Variants in WWOX observed in about 807,000 individuals in gnomAD.
The protein encoded by WWOX is WW domain containing oxidoreductase.
In WWOX, 69 loss-of-function variants were observed where a neutral mutation model predicts 46.2. The ratio of observed to expected loss-of-function variants is 1.49; its 90% CI spans 1.23 to 1.82. WWOX has a LOEUF of 1.82. WWOX is among the 40% of genes most tolerant of loss of function. WWOX has a pLI of 0.00. For synonymous variants in WWOX, 359 were observed against 202.6 expected, an observed-to-expected ratio of 1.77 and a Z score of -6.56; for missense variants, 919 against 542.6, an observed-to-expected ratio of 1.69 and a Z score of -6.89.
intron 1 of WWOX, among the ~76,000 whole-genome samples, chr16:78,102,176 A>C (rs1223089296): frequency 1.3e-5 from 2 of 152,096 alleles, no homozygotes; most frequent in African/African-American, 4.8e-5. Flanking sequence ...CTCCCGAAGC[A>C]CTGGAATCAC....
At chr16:79,129,360 C>A (rs142975419) in intron 8 of WWOX, among the ~76,000 whole-genome samples, 1 of 148,066 alleles carries the variant, frequency 6.8e-6, no homozygotes, top group Admixed American at 6.9e-5. Flanking sequence ...CCTCTCAGTG[C>A]CTTAAAATTT....
At chr16:78,562,293 G>C (rs55705085) in intron 8 of WWOX, among the ~76,000 whole-genome samples, 8 of 152,178 alleles carry the variant, frequency 5.3e-5, no homozygotes, top group Non-Finnish European at 1.2e-4. Context: ...TACTCTGAGA[G>C]CTCACTTTAT....
At chr16:78,887,664 A>C (rs2044496634) in intron 8 of WWOX, among the ~76,000 whole-genome samples, 2 of 152,304 alleles carry the variant, frequency 1.3e-5, no homozygotes, top group South Asian at 4.1e-4. Context: ...GGATTCCATA[A>C]AATAGTGCAT....
chr16:78,892,613 G>T (rs1294402167), intron 8 of WWOX, among the ~76,000 whole-genome samples: 4 of 152,214 alleles, frequency 2.6e-5, no homozygotes, highest in Non-Finnish European at 1.5e-5. Flanking sequence ...TATCTACTGA[G>T]ATTCTGCGTG....
At chr16:79,092,014 C>G (rs1038917389) in intron 8 of WWOX, among the ~76,000 whole-genome samples, 3 of 151,988 alleles carry the variant, frequency 2.0e-5, no homozygotes, top group African/African-American at 4.8e-5. Flanking sequence ...CTCTTGACCT[C>G]GTGATCTTTT....
At chr16:78,385,546 T>A (rs2082044084) in intron 5 of WWOX, among the ~76,000 whole-genome samples, 1 of 152,130 alleles carries the variant, frequency 6.6e-6, no homozygotes, top group Admixed American at 6.5e-5. Context: ...CTGCCTGATG[T>A]TTACTGCTCA....
At position 79,025,081 on chromosome 16, in the gene WWOX, C is replaced by T. The variant is rs140810109; in HGVS notation, c.1057-186527C>T. Among the ~76,000 whole-genome samples, 171 of 152,180 alleles carry T rather than the reference C, an allele frequency of 1.1e-3. 1 individual carries two copies. The highest frequency in any genetic ancestry group is 3.9e-3 in the African/African-American group (162 of 41,524). On this transcript the variant is annotated intron_variant, in intron 8 of 8. Transcript: ENST00000566780. ...AGTGAGAGTCCCTCCCTCCCCATTC[C>T]ACTCCCAAGAGCAGTGAAGAGTCAG... is the stretch of plus-strand genomic sequence containing the variant.
chr16:78,475,462 G>A (rs1359092287), intron 8 of WWOX, among the ~76,000 whole-genome samples: 1 of 152,198 alleles, frequency 6.6e-6, no homozygotes, highest in Non-Finnish European at 1.5e-5. Context: ...AGAATAAGGT[G>A]TTGGTTTGTT....
chr16:78,882,050 C>G (rs780242994), intron 8 of WWOX, among the ~76,000 whole-genome samples: 2 of 150,454 alleles, frequency 1.3e-5, no homozygotes, highest in African/African-American at 4.9e-5. Flanking sequence ...TGCTTGAGCC[C>G]GGGAGACGGA....
At chr16:78,856,114 C>T (rs189840483) in intron 8 of WWOX, among the ~76,000 whole-genome samples, 3 of 152,126 alleles carry the variant, frequency 2.0e-5, no homozygotes, top group African/African-American at 7.2e-5. Context: ...GCAGAGGGAT[C>T]AGCATAGGAA....
At chr16:79,076,199 C>T (rs974956218) in intron 8 of WWOX, among the ~76,000 whole-genome samples, 1 of 152,206 alleles carries the variant, frequency 6.6e-6, no homozygotes, top group Non-Finnish European at 1.5e-5. Context: ...AACAAACTGT[C>T]ACATTTTAGT....
intron 5 of WWOX, among the ~76,000 whole-genome samples, chr16:78,180,786 G>T (rs2035508088): frequency 6.6e-6 from 1 of 152,100 alleles, no homozygotes; most frequent in East Asian, 1.9e-4. Flanking sequence ...ATATGTTAGG[G>T]CTAGCAGGTA....
chr16:78,223,179 C>T (rs2036947197), intron 5 of WWOX, among the ~76,000 whole-genome samples: 1 of 152,066 alleles, frequency 6.6e-6, no homozygotes, highest in Non-Finnish European at 1.5e-5. Context: ...TGGTGCTGTA[C>T]CAAGGGTGAC....
Position 78,240,197 on chromosome 16 carries a change from G to A in WWOX, c.516+75908G>A, listed in dbSNP as rs945585226. ...TTATCCTCATGAGAAGAGGAAAGCA[G>A]GGGGCACAGTGGTGGGTGTGCCTGC... is the stretch of plus-strand genomic sequence containing the variant. On this transcript the variant is annotated intron_variant, in intron 5 of 8. Transcript: ENST00000566780. Among the ~76,000 whole-genome samples the A allele has an allele frequency of 2.0e-5, 3 of 152,210 alleles. 1 individual carries two copies. The highest frequency in any genetic ancestry group is 2.0e-4 in the Admixed American group (3 of 15,282).
At chr16:78,567,532 G>A (rs147519057) in intron 8 of WWOX, among the ~76,000 whole-genome samples, 2,288 of 118,364 alleles carry the variant, frequency 0.019, 33 homozygotes, top group Admixed American at 0.058. Flanking sequence ...CAGCCTGGGC[G>A]ACAGAAGGAG....
intron 8 of WWOX, among the ~76,000 whole-genome samples, chr16:78,782,099 A>G (rs937995293): frequency 2.6e-5 from 4 of 152,100 alleles, no homozygotes; most frequent in African/African-American, 7.2e-5. Context: ...AAGCTGTTAC[A>G]TTTGGCAGCA....
chr16:78,323,572 G>A (rs995304439), intron 5 of WWOX, among the ~76,000 whole-genome samples: 3 of 152,114 alleles, frequency 2.0e-5, no homozygotes, highest in Non-Finnish European at 4.4e-5. Context: ...GGAAGAGGCG[G>A]GAACCCCACT....
chr16:78,823,204 G>A (rs761543608), intron 8 of WWOX, among the ~76,000 whole-genome samples: 2 of 152,246 alleles, frequency 1.3e-5, no homozygotes, highest in African/African-American at 2.4e-5. Flanking sequence ...AACGGTCACA[G>A]GGTCAGGCCT....
At chr16:78,248,610 C>T (rs886994491) in intron 5 of WWOX, among the ~76,000 whole-genome samples, 1 of 152,028 alleles carries the variant, frequency 6.6e-6, no homozygotes, top group Admixed American at 6.6e-5. Context: ...GCGGCACATA[C>T]CTGTAGTCAC....
Sources: gnomAD v4.1 joint callset for allele counts (sites outside exome capture counted in the v4.1 genomes callset) on GRCh38, gnomAD v4.1.1 for gene constraint, MANE v1.5 for transcripts, NCBI Gene and HGNC (gene_info 2026-07-23, HGNC 2026-07-21) for gene names.